The following CACNA1C variants were observed in gnomAD, a reference collection of about 807,000 sequenced individuals.
CACNA1C encodes voltage-dependent L-type calcium channel subunit alpha-1C.
CACNA1C carries 30 observed loss-of-function variants against 229.0 expected under a neutral mutation model. The observed-to-expected ratio is 0.13, with a 90% CI of 0.10 to 0.18. The LOEUF is 0.18. Among genes scored for constraint, CACNA1C ranks in the 10% least tolerant of loss-of-function variants. The pLI is 1.00. For missense variants in CACNA1C, 1,658 were observed against 2,845.0 expected, an observed-to-expected ratio of 0.58 and a Z score of 9.49; for synonymous variants, 1,114 against 1,132.5, an observed-to-expected ratio of 0.98 and a Z score of 0.33.
rs2099703797 is a variant in CACNA1C, at chr12:2,488,004, C to T, written c.916+1742C>T. Among the ~76,000 whole-genome samples the T allele has an allele frequency of 6.6e-6, 1 of 152,170 alleles. No individual in the cohort carries two copies. The highest frequency in any genetic ancestry group is 2.1e-4 in the South Asian group (1 of 4,834). On this transcript the variant is annotated intron_variant, in intron 6 of 46. Transcript: ENST00000399655. This position sits in a 1 kb window ranked among gnomAD's most constrained non-coding sequence, Gnocchi z 4.0. ...CCCAAACTCCTCAGGAAGTCTCAGA[C>T]ATGTGGAGTCTCAAAGATTCCCCAT...
intron 13 of CACNA1C, among the ~76,000 whole-genome samples, chr12:2,576,653 C>T (rs950877187): frequency 6.6e-6 from 1 of 152,096 alleles, no homozygotes; most frequent in Non-Finnish European, 1.5e-5. Context: ...GATAGGAGGC[C>T]ATCATCCAAT....
In CACNA1C at chr12:2,120,656, C is replaced by CTGTG. The variant is rs112680750; in HGVS notation, c.477+264_477+267dup. 0.32 allele frequency among the ~76,000 whole-genome samples: 45,065 copies of CTGTG among 139,610 alleles called. 7,243 individuals are homozygous for CTGTG. The highest frequency in any genetic ancestry group is 0.37 in the Non-Finnish European group (24,060 of 64,758). The allele number at this position is 139,610 out of a possible 152,430, so 91.6% of individuals were successfully genotyped here. ...TATTCCAGTTAGGTGGTGGTGAGCTCTGTGTGTGTGTGTGTGTGTGTGTGT... is the reference window on the plus strand; with the variant it reads ...TATTCCAGTTAGGTGGTGGTGAGCTCTGTGTGTGTGTGTGTGTGTGTGTGTGTGT... On this transcript the variant is annotated intron_variant, in intron 3 of 46. Coordinates refer to ENST00000399655, the MANE Select transcript of CACNA1C (RefSeq NM_000719.7).
At chr12:2,364,955 A>G (rs1409954186) in intron 3 of CACNA1C, among the ~76,000 whole-genome samples, 1 of 152,198 alleles carries the variant, frequency 6.6e-6, no homozygotes, top group African/African-American at 2.4e-5. Context: ...AATTTAAGGC[A>G]AGAAGGAGAA....
At chr12:2,097,853 T>C (rs951405597) in intron 1 of CACNA1C, among the ~76,000 whole-genome samples, 3 of 152,056 alleles carry the variant, frequency 2.0e-5, no homozygotes, top group African/African-American at 4.8e-5. Flanking sequence ...TTGAGATCAG[T>C]AGGGGAGGAG....
In CACNA1C at chr12:2,075,812, C is replaced by T. The variant is rs564573987; in HGVS notation, c.49+22201C>T. Among the ~76,000 whole-genome samples the T allele has an allele frequency of 3.3e-5, 5 of 152,260 alleles. No homozygotes were observed. The South Asian group carries it at 8.3e-4, about 25-fold the overall frequency. On this transcript the variant is annotated intron_variant, in intron 1 of 46. Transcript: ENST00000399655. ...CTGTGCCCCAGGTTTCTCCTGGGAG[C>T]GGATGTGCCAGGGCTTGTTCTTGGG...
rs899770972 is a variant in CACNA1C at position 1,997,481 on chromosome 12, C to T, written c.139+26280C>T. On this transcript the variant is annotated intron_variant, in intron 1 of 46. Coordinates refer to the CACNA1C transcript ENST00000682462. The stretch of plus-strand genomic sequence containing the variant: ...GTTGCAGCAAGCCAAGAGCTGTGAT[C>T]GTGCCACTGCACTCCAGCCTTGGTG... Among the ~76,000 whole-genome samples the T allele has an allele frequency of 7.6e-4, 116 of 152,266 alleles. 1 individual carries two copies. The highest frequency in any genetic ancestry group is 2.6e-3 in the African/African-American group (110 of 41,558).
chr12:2,568,624 A>G (rs1264914599), intron 13 of CACNA1C, among the ~76,000 whole-genome samples: 3 of 152,260 alleles, frequency 2.0e-5, no homozygotes. Context: ...TACAAAGTAG[A>G]TGAAACTTAA....
chr12:2,136,314 T>C (rs1333117599), intron 3 of CACNA1C, among the ~76,000 whole-genome samples: 1 of 151,204 alleles, frequency 6.6e-6, no homozygotes, highest in Non-Finnish European at 1.5e-5. Flanking sequence ...CCATCTTGGC[T>C]CCTCCTCGAG....
intron 1 of CACNA1C, among the ~76,000 whole-genome samples, chr12:1,983,008 T>A (rs965652754): frequency 1.3e-5 from 2 of 152,138 alleles, no homozygotes; most frequent in African/African-American, 2.4e-5. Context: ...ATGATTTGTA[T>A]TTCTCAGTGA....
chr12:2,578,575 G>T (rs2059403104), intron 13 of CACNA1C, among the ~76,000 whole-genome samples: 1 of 152,146 alleles, frequency 6.6e-6, no homozygotes, highest in East Asian at 1.9e-4. Flanking sequence ...GGAGGCGGTG[G>T]GAAGTGGCCA....
intron 10 of CACNA1C, among the ~76,000 whole-genome samples, chr12:2,550,814 C>T (rs1365359295): frequency 6.6e-6 from 1 of 152,128 alleles, no homozygotes. Context: ...GCAATGCCGG[C>T]CTTGAGCGTG....
chr12:2,583,244 A>T (rs1331191319), intron 15 of CACNA1C, among the ~76,000 whole-genome samples: 1 of 152,172 alleles, frequency 6.6e-6, no homozygotes, highest in African/African-American at 2.4e-5. Flanking sequence ...ACCGCCTGCG[A>T]TAGGGACGCG....
rs951903988 is a variant in CACNA1C at position 2,512,241 on chromosome 12, C to T, written c.1218-571C>T. ...ATGGTGTAAATATTCCCACTGTGGCCGATCTCAAGCTACCAGCGAGACATC... is the reference window on the plus strand; with the variant it reads ...ATGGTGTAAATATTCCCACTGTGGCTGATCTCAAGCTACCAGCGAGACATC... On this transcript the variant is annotated intron_variant, in intron 8 of 46. Transcript: ENST00000399655. The surrounding 1 kb of genome is among the most constrained non-coding windows in gnomAD (Gnocchi z 4.3). Among the ~76,000 whole-genome samples the T allele has an allele frequency of 5.3e-5, 8 of 152,232 alleles. No homozygotes were observed. The highest frequency in any genetic ancestry group is 1.9e-4 in the East Asian group (1 of 5,174).
At position 2,578,103 on chromosome 12, in the gene CACNA1C, C is replaced by T. The variant is rs1013664646; in HGVS notation, c.1896-3487C>T. The stretch of plus-strand genomic sequence containing the variant: ...CAGGATGGTCTCGATCTCCTGACCT[C>T]GTGATCCGCCCGCCTCGGCCTCCCA... On this transcript the variant is annotated intron_variant, in intron 13 of 46. Coordinates refer to ENST00000399655, the MANE Select transcript of CACNA1C (RefSeq NM_000719.7). 2.6e-5 allele frequency among the ~76,000 whole-genome samples: 4 copies of T among 151,928 alleles called. No individual in the cohort carries two copies. The South Asian group carries it at 6.2e-4, about 24-fold the overall frequency.
At chr12:2,199,749 A>G (rs1029546875) in intron 3 of CACNA1C, among the ~76,000 whole-genome samples, 1 of 152,086 alleles carries the variant, frequency 6.6e-6, no homozygotes, top group Non-Finnish European at 1.5e-5. Context: ...AGCATGGGTT[A>G]CCACCACAGA....
intron 3 of CACNA1C, among the ~76,000 whole-genome samples, chr12:2,162,136 C>G (rs144520439): frequency 5.9e-5 from 9 of 152,248 alleles, no homozygotes; most frequent in African/African-American, 2.2e-4. Flanking sequence ...CTAACTGCTC[C>G]TGTCTACCTG....
chr12:2,213,492 G>A (rs964805475), intron 3 of CACNA1C, among the ~76,000 whole-genome samples: 6 of 152,128 alleles, frequency 3.9e-5, no homozygotes, highest in African/African-American at 2.4e-5. Context: ...ACATCTAGAC[G>A]GGGGAAGAAA....
At chr12:2,466,041 C>T (rs546541068) in intron 5 of CACNA1C, among the ~76,000 whole-genome samples, 2 of 152,174 alleles carry the variant, frequency 1.3e-5, no homozygotes, top group Admixed American at 6.5e-5. Context: ...CCCAGGTGAA[C>T]CACACGCATC....
Position 2,646,697 on chromosome 12 carries a change from G to A in CACNA1C, c.3913-1778G>A, listed in dbSNP as rs1371351867. ...CATCCTGGGCAACTATCACACACCA[G>A]AGCAAAAGGGGTTTAGGTGCTTTGC... On this transcript the variant is annotated intron_variant, in intron 30 of 46. Transcript: ENST00000399655. The surrounding 1 kb of genome is among the most constrained non-coding windows in gnomAD (Gnocchi z 4.6). Among the ~76,000 whole-genome samples, 1 of 152,042 alleles carries A rather than the reference G, an allele frequency of 6.6e-6. No individual in the cohort carries two copies. Among genetic ancestry groups the A allele is most frequent in the African/African-American group, 2.4e-5 (1 of 41,374 alleles).
Sources: gnomAD v4.1 joint callset for allele counts (sites outside exome capture counted in the v4.1 genomes callset) on GRCh38, gnomAD v4.1.1 for gene constraint, Gnocchi (gnomAD v3.1) non-coding constraint, MANE v1.5 for transcripts, NCBI Gene and HGNC (gene_info 2026-07-23, HGNC 2026-07-21) for gene names.